USP7: variants seen among roughly 807,000 people sequenced by gnomAD.
USP7 encodes the protein ubiquitin specific peptidase 7.
A neutral mutation model predicts 162.9 loss-of-function variants in USP7; 9 were observed. The ratio of observed to expected loss-of-function variants is 0.06; its 90% confidence interval spans 0.03 to 0.10. The LOEUF is 0.10. Among genes scored for constraint, USP7 ranks in the 10% least tolerant of loss-of-function variants. The pLI is 1.00. For missense variants in USP7, 715 were observed against 1,373.7 expected, an observed-to-expected ratio of 0.52 and a Z score of 7.58; for synonymous variants, 562 against 475.9, an observed-to-expected ratio of 1.18 and a Z score of -2.35.
At chr16:8,901,321 A>C in intron 18 of USP7, 87 bp from the exon 19 acceptor site, 2 of 1,064 alleles carry the variant, frequency 1.9e-3, no homozygotes, top group Admixed American at 0.014. Context: ...CAAAAAAACG[A>C]AAAAAAAAAA....
At position 8,905,311 on chromosome 16, in the gene USP7, G is replaced by A. The variant is rs143960693; in HGVS notation, c.1449C>T (p.Asp483=). 111 of 1,613,912 alleles carry A rather than the reference G, an allele frequency of 6.9e-5. No individual in the cohort carries two copies. Among genetic ancestry groups the A allele is most frequent in the Non-Finnish European group, 8.3e-5 (98 of 1,179,966 alleles). The change falls in exon 14 of 31, where the codon GAC becomes GAT. Residue 483 remains aspartate (D), a synonymous_variant. Transcript: ENST00000344836. ...GDGKWCKFDD[D]VVSRCTKEEA... ...CCTCTTTAGTACACCTTGACACCAC[G>A]TCGTCATCAAATTTACACCACTGCA... is the stretch of plus-strand genomic sequence containing the variant.
chr16:8,901,989 G>C, intron 18 of USP7, 93 bp downstream of exon 18: 4 of 1,033,494 alleles, frequency 3.9e-6, no homozygotes, highest in Non-Finnish European at 5.8e-6. Flanking sequence ...CTTTCTGCAA[G>C]GGAAGAAGGC....
intron 3 of USP7, among the ~76,000 whole-genome samples, chr16:8,921,916 T>C (rs1897714550): frequency 6.6e-6 from 1 of 152,196 alleles, no homozygotes; most frequent in South Asian, 2.1e-4. Context: ...TGGGGCCTTA[T>C]CAATCAAAGC....
chr16:8,908,267 A>T, intron 12 of USP7, 74 bp downstream of exon 12: 2 of 1,201,886 alleles, frequency 1.7e-6, no homozygotes, highest in South Asian at 1.2e-5. Context: ...ATAAAGACTG[A>T]GGAAAGCACT....
intron 25 of USP7, among the ~76,000 whole-genome samples, chr16:8,898,063 C>A (rs915695664): frequency 7.2e-5 from 11 of 152,058 alleles, no homozygotes; most frequent in African/African-American, 2.7e-4. Context: ...GCAGGAAGAG[C>A]TGGAGAAGGA....
At position 8,898,346 on chromosome 16, in the gene USP7, T is replaced by C. The variant is rs1447169677; in HGVS notation, c.2718+14A>G. 4 of 1,583,278 alleles carry C rather than the reference T, an allele frequency of 2.5e-6. No individual in the cohort carries two copies. Among genetic ancestry groups the C allele is most frequent in the Non-Finnish European group, 3.4e-6 (4 of 1,163,016 alleles). ...CCAATAAAAATTAAAATTCATAGTA[T>C]TAAAAAAACTTACCTCTTCCCTAAA... is the stretch of plus-strand genomic sequence containing the variant. On this transcript the variant is annotated intron_variant, in intron 25 of 30. Coordinates refer to ENST00000344836, the MANE Select transcript of USP7 (RefSeq NM_003470.3).
At position 8,892,898 on chromosome 16, in the gene USP7, A is replaced by G. The variant is rs895371868; in HGVS notation, c.*1100T>C. On this transcript the variant is annotated 3_prime_UTR_variant, in exon 31 of 31. Transcript: ENST00000344836. ...AAAAAATACCGGAAAAGGATGAAAAATAAGAGTGATTTGCTGATTCTATTT... is the reference window on the plus strand; with the variant it reads ...AAAAAATACCGGAAAAGGATGAAAAGTAAGAGTGATTTGCTGATTCTATTT... The G allele has an allele frequency of 1.3e-5, 2 of 152,222 alleles. No homozygotes were observed. Among genetic ancestry groups the G allele is most frequent in the African/African-American group, 2.4e-5 (1 of 41,468 alleles). 9.4% of individuals were successfully genotyped at this position (152,222 alleles called of 1,614,324 possible). A position where few individuals can be genotyped will look rare whatever the true frequency, so the allele number is the denominator to read the frequency against.
chr16:8,958,423 T>A (rs372838723), intron 1 of USP7, among the ~76,000 whole-genome samples: 6 of 152,304 alleles, frequency 3.9e-5, no homozygotes, highest in African/African-American at 1.4e-4. Context: ...GGACACCAAG[T>A]CCTTTTCAGC....
intron 22 of USP7, 109 bp downstream of exon 22, chr16:8,899,495 G>A (rs1008336286): frequency 1.4e-6 from 2 of 1,388,362 alleles, no homozygotes; most frequent in Non-Finnish European, 2.0e-6. Context: ...CTCGGGCATA[G>A]CCCCTTCTGA....
chr16:8,953,538 C>T (rs1432128897), intron 1 of USP7, among the ~76,000 whole-genome samples: 1 of 126,228 alleles, frequency 7.9e-6, no homozygotes, highest in South Asian at 2.4e-4. Flanking sequence ...AGAGGGAAGA[C>T]ACGTGCCCCA....
In USP7 at chr16:8,923,331, C is replaced by T. The variant is rs767149020; in HGVS notation, c.267G>A (p.Pro89=). 3.1e-6 allele frequency: 5 copies of T among 1,614,208 alleles called. No homozygotes were observed. The highest frequency in any genetic ancestry group is 2.5e-6 in the Non-Finnish European group (3 of 1,180,044). Residue 89 remains proline, a synonymous_variant, in exon 3 of 31, where the codon CCG becomes CCA. Coordinates refer to ENST00000344836, the MANE Select transcript of USP7 (RefSeq NM_003470.3). ...TCCATGGCAGATTTCGCACAAAACA[C>T]GGAGGGCTAAGGACCGACTCACTCA... ...SRLSESVLSP[P]CFVRNLPWKI... is the part of the protein sequence containing the mutation.
Position 8,899,144 on chromosome 16 carries a change from C to G in USP7, c.2508G>C (p.Leu836Phe). The change falls in exon 23 of 31, where the codon TTG (leucine) becomes TTC (phenylalanine). Residue 836 changes from leucine (L) to phenylalanine (F), a missense_variant. Leu to Phe is a conservative substitution (Grantham distance 22). Around this residue, in one of 11 missense-constraint regions of USP7, gnomAD observed 222 missense variants for 441.7 expected, o/e 0.50. Transcript: ENST00000344836. ...VAQRLNTDPM[L>F]LQFFKSQGYR... The stretch of plus-strand genomic sequence containing the variant: ...ACCCTTGAGACTTGAAAAACTGCAG[C>G]AACATTGGATCTGTGTTGAGCCTCT... 6.2e-7 allele frequency: 1 copy of G among 1,614,112 alleles called. No homozygotes were observed. The highest frequency in any genetic ancestry group is 8.5e-7 in the Non-Finnish European group (1 of 1,180,022).
chr16:8,914,444 T>A (rs2061997999), intron 10 of USP7, among the ~76,000 whole-genome samples: 1 of 152,182 alleles, frequency 6.6e-6, no homozygotes, highest in African/African-American at 2.4e-5. Flanking sequence ...GCATTAAGAA[T>A]GGTCGATCTG....
chr16:8,914,505 GAAGA>G (rs1307974929), intron 10 of USP7, among the ~76,000 whole-genome samples: 1 of 152,138 alleles, frequency 6.6e-6, no homozygotes, highest in Non-Finnish European at 1.5e-5. Context: ...TCAAGCAAAA[GAAGA>G]AAGATTTCAA....
chr16:8,926,949 C>A (rs1369090483), intron 2 of USP7, among the ~76,000 whole-genome samples: 1 of 152,218 alleles, frequency 6.6e-6, no homozygotes, highest in African/African-American at 2.4e-5. Flanking sequence ...GAAGTTCCCA[C>A]TGTGCACTTT....
At chr16:8,960,437 C>G (rs1026435429) in intron 1 of USP7, among the ~76,000 whole-genome samples, 2 of 152,140 alleles carry the variant, frequency 1.3e-5, no homozygotes, top group African/African-American at 4.8e-5. Context: ...CAAATGCAAC[C>G]CCAAGAATGT....
At chr16:8,960,800 T>C (rs1899976607) in intron 1 of USP7, among the ~76,000 whole-genome samples, 2 of 152,226 alleles carry the variant, frequency 1.3e-5, no homozygotes, top group African/African-American at 4.8e-5. Context: ...GTAAGGCTAG[T>C]ACCACATTTC....
Position 8,921,143 on chromosome 16 carries a change from A to ACACTGTTACTTACACTCCAGGC in USP7, c.514_522+13dup. ...AATGCACCAATTGTTCAGACTAAAT[A>ACACTGTTACTTACACTCCAGGC]CACTGTTACTTACACTCCAGGCCAT... On this transcript the variant is annotated intron_variant, in intron 4 of 30. Coordinates refer to ENST00000344836, the MANE Select transcript of USP7 (RefSeq NM_003470.3). The ACACTGTTACTTACACTCCAGGC allele has an allele frequency of 1.2e-6, 2 of 1,613,086 alleles. No individual in the cohort carries two copies. Among genetic ancestry groups the ACACTGTTACTTACACTCCAGGC allele is most frequent in the Non-Finnish European group, 1.7e-6 (2 of 1,179,858 alleles).
At chr16:8,947,278 A>T (rs1436835175) in intron 1 of USP7, among the ~76,000 whole-genome samples, 1 of 152,114 alleles carries the variant, frequency 6.6e-6, no homozygotes, top group African/African-American at 2.4e-5. Flanking sequence ...TTTATACAAC[A>T]TTACTTGGAA....
Sources: gnomAD v4.1 joint callset for allele counts (sites outside exome capture counted in the v4.1 genomes callset) on GRCh38, gnomAD v4.1.1 for gene constraint, gnomAD v4.1.1 regional missense constraint, MANE v1.5 for transcripts, NCBI Gene and HGNC (gene_info 2026-07-23, HGNC 2026-07-21) for gene names.